The following NUMA1 variants were observed in gnomAD, a reference collection of about 807,000 sequenced individuals.
The protein encoded by NUMA1 is nuclear mitotic apparatus protein 1.
NUMA1 carries 62 observed loss-of-function variants against 237.1 expected under a neutral mutation model. That is an observed-to-expected ratio of 0.26 (90% CI 0.21 to 0.32). NUMA1 has a LOEUF of 0.32. Among genes scored for constraint, NUMA1 ranks in the 10% least tolerant of loss-of-function variants. The pLI is 1.00. For missense variants in NUMA1, 2,533 were observed against 2,666.5 expected, an observed-to-expected ratio of 0.95 and a Z score of 1.10; for synonymous variants, 1,028 against 1,066.1, an observed-to-expected ratio of 0.96 and a Z score of 0.70.
chr11:72,008,584 C>T, intron 20 of NUMA1, 104 bp downstream of exon 20: 3 of 1,309,826 alleles, frequency 2.3e-6, no homozygotes, highest in Non-Finnish European at 3.3e-6. Flanking sequence ...TTATTCTTCT[C>T]TAAGAATAAA....
In NUMA1 at chr11:72,006,173, A is replaced by T. The variant is rs756770293; in HGVS notation, c.5554T>A (p.Ser1852Thr). 72 of 1,614,006 alleles carry T rather than the reference A, an allele frequency of 4.5e-5. No individual in the cohort carries two copies. The highest frequency in any genetic ancestry group is 1.6e-4 in the Middle Eastern group (1 of 6,084). ...AGGCGAGCTAGAGACTGAGTAGAGGAGGTGGCTCGCAGGCTAGCCTGGGAA... is the reference window on the plus strand; with the variant it reads ...AGGCGAGCTAGAGACTGAGTAGAGGTGGTGGCTCGCAGGCTAGCCTGGGAA... ...PASQASLRAT[S>T]STQSLARLGS... The change falls in exon 22 of 27, where the codon TCC (serine) becomes ACC (threonine). Residue 1852 changes from serine (S) to threonine (T), a missense_variant. Transcript: ENST00000393695.
intron 2 of NUMA1, among the ~76,000 whole-genome samples, chr11:72,052,393 A>G (rs556734538): frequency 1.8e-4 from 27 of 152,350 alleles, no homozygotes; most frequent in African/African-American, 6.5e-4. Flanking sequence ...TAGGCAGAGA[A>G]AACAGCACAT....
rs1956465942 is a variant in NUMA1 at position 72,015,485 on chromosome 11, A to ACCTGGG, written c.2012_2017dup (p.Ala671_Gln672dup). 1.2e-6 allele frequency: 2 copies of ACCTGGG among 1,612,782 alleles called. No homozygotes were observed. Among genetic ancestry groups the ACCTGGG allele is most frequent in the Admixed American group, 3.3e-5 (2 of 60,006 alleles). On this transcript the variant is annotated inframe_insertion, in exon 15 of 27. Coordinates refer to ENST00000393695, the MANE Select transcript of NUMA1 (RefSeq NM_006185.4). The surrounding 1 kb of genome is among the most constrained non-coding windows in gnomAD (Gnocchi z 4.0). The stretch of plus-strand genomic sequence containing the variant: ...CCGCAGCTGCAACTCTAGCTCTGCA[A>ACCTGGG]CCTGGGCCTGGGCCTCATGCTGTTC...
Position 72,013,670 on chromosome 11 carries a change from C to T in NUMA1, c.3833G>A (p.Ser1278Asn), listed in dbSNP as rs755994468. 2 of 1,609,330 alleles carry T rather than the reference C, an allele frequency of 1.2e-6. No homozygotes were observed. The highest frequency in any genetic ancestry group is 1.7e-6 in the Non-Finnish European group (2 of 1,179,986). ...RLRLLQAETA[S>N]NSARAAERSS... Reference sequence around the variant, plus strand: ...GCGTTCTGCAGCTCTGGCACTGTTGCTGGCTGTCTCTGCCTGCAGCAGGCG... The same window carrying T: ...GCGTTCTGCAGCTCTGGCACTGTTGTTGGCTGTCTCTGCCTGCAGCAGGCG... Residue 1278 changes from serine to asparagine, a missense_variant, in exon 15 of 27, where the codon AGC becomes AAC. Ser to Asn is a conservative substitution (Grantham distance 46, BLOSUM62 1). Transcript: ENST00000393695. The surrounding 1 kb of genome is among the most constrained non-coding windows in gnomAD (Gnocchi z 6.8).
At chr11:72,031,964 C>A (rs1466297684) in intron 3 of NUMA1, among the ~76,000 whole-genome samples, 4 of 117,774 alleles carry the variant, frequency 3.4e-5, no homozygotes, top group East Asian at 2.4e-4. Context: ...ACCCTTTCCC[C>A]AAAAAATTAA....
At chr11:72,033,887 AG>A (rs1233186634) in intron 3 of NUMA1, among the ~76,000 whole-genome samples, 2 of 151,882 alleles carry the variant, frequency 1.3e-5, no homozygotes, top group African/African-American at 4.8e-5. Flanking sequence ...ATTTTTTTTG[AG>A]GTCACATTAA....
At position 72,003,290 on chromosome 11, in the gene NUMA1, G is replaced by A; in HGVS notation, c.*237C>T. On this transcript the variant is annotated 3_prime_UTR_variant, in exon 27 of 27. Transcript: ENST00000393695. ...TGACTTTGCTTTAAGAAAAAAGGAG[G>A]CAAGGTAGGGAGAGCGCCCACACTG... The A allele has an allele frequency of 1.8e-6, 1 of 549,554 alleles. No homozygotes were observed. Among genetic ancestry groups the A allele is most frequent in the Non-Finnish European group, 3.3e-6 (1 of 306,474 alleles). The allele number at this position is 549,554 out of a possible 1,614,324, so 34.0% of individuals were successfully genotyped here.
chr11:72,009,516 C>T, intron 17 of NUMA1, 129 bp from the exon 18 acceptor site: 2 of 1,211,472 alleles, frequency 1.7e-6, no homozygotes, highest in South Asian at 1.6e-5. Context: ...AAGAAAACCA[C>T]ACCACCCCAA....
intron 2 of NUMA1, among the ~76,000 whole-genome samples, chr11:72,053,934 T>C (rs1354428443): frequency 6.6e-6 from 1 of 152,212 alleles, no homozygotes; most frequent in Non-Finnish European, 1.5e-5. Flanking sequence ...AATCCAAGGA[T>C]GATTTAAACT....
In NUMA1 at chr11:72,013,312, T is replaced by TGCCCGCAGTCCC. The variant is rs750374203; in HGVS notation, c.4179_4190dup (p.Gly1394_Ala1397dup). On this transcript the variant is annotated inframe_insertion, in exon 15 of 27. Coordinates refer to ENST00000393695, the MANE Select transcript of NUMA1 (RefSeq NM_006185.4). This position sits in a 1 kb window ranked among gnomAD's most constrained non-coding sequence, Gnocchi z 6.8. Reference sequence around the variant, plus strand: ...GCTCCCGCTGGGCCCGCAGCAGCTCTGCCCGCAGTCCCCCAGCGGCCTGCT... The same window carrying TGCCCGCAGTCCC: ...GCTCCCGCTGGGCCCGCAGCAGCTCTGCCCGCAGTCCCGCCCGCAGTCCCCCAGCGGCCTGCT... 6.2e-7 allele frequency: 1 copy of TGCCCGCAGTCCC among 1,605,376 alleles called. No homozygotes were observed. Among genetic ancestry groups the TGCCCGCAGTCCC allele is most frequent in the East Asian group, 2.2e-5 (1 of 44,866 alleles).
chr11:72,029,197 G>A lies in NUMA1; in HGVS notation c.128+8C>T, dbSNP rs368552801. 46 of 1,604,692 alleles carry A rather than the reference G, an allele frequency of 2.9e-5. No homozygotes were observed. The highest frequency in any genetic ancestry group is 4.5e-5 in the East Asian group (2 of 44,840). On this transcript the variant is annotated splice_region_variant and intron_variant, in intron 4 of 26. Coordinates refer to ENST00000393695, the MANE Select transcript of NUMA1 (RefSeq NM_006185.4). ...TAGAGGCTAGAAAGGGGTATGGTGCGTACTCACATTCTGTCAATGATCTTG... is the reference window on the plus strand; with the variant it reads ...TAGAGGCTAGAAAGGGGTATGGTGCATACTCACATTCTGTCAATGATCTTG...
chr11:72,025,173 A>C (rs926529431), intron 4 of NUMA1, among the ~76,000 whole-genome samples: 22 of 152,184 alleles, frequency 1.4e-4, no homozygotes, highest in African/African-American at 5.1e-4. Context: ...TACAGGCTGG[A>C]GCCACTGCGC....
At position 72,015,078 on chromosome 11, in the gene NUMA1, CTTT is replaced by C. The variant is rs749766249; in HGVS notation, c.2422_2424del (p.Lys808del). ...TACCGCTCACGCCAGGCAGCTACTTCTTTGACGAGCTGCTCACACTCACTCTCA... is the reference window on the plus strand; with the variant it reads ...TACCGCTCACGCCAGGCAGCTACTTCGACGAGCTGCTCACACTCACTCTCA... On this transcript the variant is annotated inframe_deletion, in exon 15 of 27. Transcript: ENST00000393695. The surrounding 1 kb of genome is among the most constrained non-coding windows in gnomAD (Gnocchi z 4.0). The C allele has an allele frequency of 5.0e-6, 8 of 1,614,046 alleles. No individual in the cohort carries two copies. In the East Asian group the frequency reaches 1.3e-4, roughly 27 times the overall value.
intron 2 of NUMA1, among the ~76,000 whole-genome samples, chr11:72,069,509 C>T (rs774852007): frequency 1.3e-5 from 2 of 152,154 alleles, no homozygotes; most frequent in Non-Finnish European, 2.9e-5. Flanking sequence ...TTCTGAAACC[C>T]AGTAGCAGAG....
intron 2 of NUMA1, chr11:72,065,466 G>A (rs990158343): frequency 2.0e-5 from 3 of 151,986 alleles, no homozygotes; most frequent in African/African-American, 7.3e-5. Context: ...GGGGAAAAAA[G>A]CAGAATATAA....
Position 72,014,507 on chromosome 11 carries a change from C to T in NUMA1, c.2996G>A (p.Arg999His). The T allele has an allele frequency of 5.0e-6, 8 of 1,601,904 alleles. No individual in the cohort carries two copies. The highest frequency in any genetic ancestry group is 2.2e-5 in the East Asian group (1 of 44,880). ...MESQGQQQEE[R>H]GQQEREVARL... Reference sequence around the variant, plus strand: ...CGCCACCTCCCTTTCCTGCTGCCCACGCTCCTCCTGCTGCTGCCCCTGGCT... The same window carrying T: ...CGCCACCTCCCTTTCCTGCTGCCCATGCTCCTCCTGCTGCTGCCCCTGGCT... Residue 999 changes from arginine to histidine, a missense_variant, in exon 15 of 27, where the codon CGT becomes CAT. Transcript: ENST00000393695. This position sits in a 1 kb window ranked among gnomAD's most constrained non-coding sequence, Gnocchi z 4.6.
rs140241228 is a variant in NUMA1 at position 72,009,545 on chromosome 11, C to T, written c.4720-158G>A. ...ACCCCAAATACTCTCTGCCCGACTA[C>T]AGTCTACTAAACCTGAAGCCCACAT... On this transcript the variant is annotated intron_variant, in intron 17 of 26. Transcript: ENST00000393695. Among the ~76,000 whole-genome samples the T allele has an allele frequency of 1.2e-4, 18 of 152,378 alleles. No homozygotes were observed. In the East Asian group the frequency reaches 3.3e-3, roughly 28 times the overall value.
In NUMA1 at chr11:72,018,898, G is replaced by A. The variant is rs1419856329; in HGVS notation, c.667C>T (p.Leu223Phe). 5 of 1,613,902 alleles carry A rather than the reference G, an allele frequency of 3.1e-6. No homozygotes were observed. Among genetic ancestry groups the A allele is most frequent in the Non-Finnish European group, 4.2e-6 (5 of 1,180,008 alleles). The change falls in exon 10 of 27, where the codon CTT becomes TTT. Residue 223 changes from leucine to phenylalanine, a missense_variant. Physicochemically the swap from Leu to Phe is conservative, Grantham distance 22. Around this residue, in one of 3 missense-constraint regions of NUMA1, gnomAD observed 1,414 missense variants for 1,508.1 expected, o/e 0.94. Transcript: ENST00000393695. ...TCCCTATTACTTCTCTCATCAGCAA[G>A]CTGCTTCTTCAGCCGTCTCATCTGG... ...QFQMRRLKKQ[L>F]ADERSNRDEL...
chr11:72,009,931 T>G (rs977640040), intron 17 of NUMA1, among the ~76,000 whole-genome samples: 12 of 152,224 alleles, frequency 7.9e-5, no homozygotes, highest in Admixed American at 7.2e-4. Context: ...TGGGGGCTTA[T>G]TTATGATGCC....
Sources: allele counts gnomAD v4.1 joint callset (sites outside exome capture counted in the v4.1 genomes callset), GRCh38; gene constraint gnomAD v4.1.1; regional missense constraint gnomAD v4.1.1; non-coding constraint Gnocchi (gnomAD v3.1); transcripts MANE v1.5; gene names NCBI Gene and HGNC (gene_info 2026-07-23, HGNC 2026-07-21).